Variants in PACRGL observed in about 807,000 individuals in gnomAD.
PACRGL encodes the protein parkin coregulated like, also known as PACRG-like protein.
Under a neutral mutation model 34.5 loss-of-function variants are expected in PACRGL, and 38 were observed. The ratio of observed to expected loss-of-function variants is 1.10; its 90% CI spans 0.85 to 1.44. PACRGL has a LOEUF of 1.44. Ranked by LOEUF, PACRGL falls within the 40% of genes most tolerant of loss-of-function variation. The pLI is 0.00. For missense variants in PACRGL, 305 were observed against 281.4 expected, an observed-to-expected ratio of 1.08 and a Z score of -0.60; for synonymous variants, 128 against 100.1, an observed-to-expected ratio of 1.28 and a Z score of -1.66.
At position 20,729,157 on chromosome 4, in the gene PACRGL, AG is replaced by A. The variant is rs1332844800; in HGVS notation, c.*1818del. 1 of 152,498 alleles carries A rather than the reference AG, an allele frequency of 6.6e-6. No homozygotes were observed. Among genetic ancestry groups the A allele is most frequent in the African/African-American group, 2.4e-5 (1 of 41,378 alleles). The allele number at this position is 152,498 out of a possible 1,614,324, so 9.4% of individuals were successfully genotyped here. A position where few individuals can be genotyped will look rare whatever the true frequency, so the allele number is the denominator to read the frequency against. On this transcript the variant is annotated 3_prime_UTR_variant, in exon 9 of 9. Transcript: ENST00000503585. ...TTGTAATATAAATAAACATGCTGTA[AG>A]GAAGTCAGGGGAAAGAGGACAGATT... is the stretch of plus-strand genomic sequence containing the variant.
the PACRGL span, among the ~76,000 whole-genome samples, chr4:20,760,457 GAGTC>G: frequency 6.6e-6 from 1 of 152,076 alleles, no homozygotes. Context: ...TTATTCCAGT[GAGTC>G]AGTTACTCAA....
intron 8 of PACRGL, among the ~76,000 whole-genome samples, chr4:20,743,492 C>T (rs1048164109): frequency 1.5e-4 from 23 of 152,146 alleles, no homozygotes; most frequent in African/African-American, 5.6e-4. Context: ...TGATCTTTGA[C>T]AAACCTGACA....
the PACRGL span, chr4:20,758,941 A>T: frequency 9.5e-6 from 14 of 1,477,482 alleles, no homozygotes; most frequent in East Asian, 2.3e-5. Context: ...ATAAAACTGA[A>T]TTTTTTTTGC....
chr4:20,719,571 C>T (rs1741972987), intron 7 of PACRGL, among the ~76,000 whole-genome samples: 1 of 152,174 alleles, frequency 6.6e-6, no homozygotes, highest in South Asian at 2.1e-4. Context: ...TTATTTCTGC[C>T]TTCATTTCAT....
chr4:20,735,539 T>G (rs1489250952), downstream of PACRGL, among the ~76,000 whole-genome samples: 9 of 146,964 alleles, frequency 6.1e-5, no homozygotes, highest in South Asian at 4.4e-4. Context: ...TGTTTTTTTT[T>G]TTTTTTTTGA....
At position 20,728,984 on chromosome 4, in the gene PACRGL, C is replaced by CTTA. The variant is rs1746936604; in HGVS notation, c.*1646_*1648dup. 1 of 152,192 alleles carries CTTA rather than the reference C, an allele frequency of 6.6e-6. No individual in the cohort carries two copies. The highest frequency in any genetic ancestry group is 2.4e-5 in the African/African-American group (1 of 41,412). The allele number at this position is 152,192 out of a possible 1,614,324, so 9.4% of individuals were successfully genotyped here. A position where few individuals can be genotyped will look rare whatever the true frequency, so the allele number is the denominator to read the frequency against. On this transcript the variant is annotated 3_prime_UTR_variant, in exon 9 of 9. Coordinates refer to ENST00000503585, the MANE Select transcript of PACRGL (RefSeq NM_001258345.3). Reference sequence around the variant, plus strand: ...TGTAATCTGGATTAGTTGTTGAGCACTTATTTTCTACTAAATCTTGGTAGT... The same window carrying CTTA: ...TGTAATCTGGATTAGTTGTTGAGCACTTATTATTTTCTACTAAATCTTGGTAGT...
rs567430615 is a variant in PACRGL, at chr4:20,704,910, G to A, written c.207+96G>A. 376 of 1,402,912 alleles carry A rather than the reference G, an allele frequency of 2.7e-4. 1 individual carries two copies. The highest frequency in any genetic ancestry group is 3.5e-4 in the Non-Finnish European group (354 of 1,012,944). The allele number at this position is 1,402,912 out of a possible 1,614,324, so 86.9% of individuals were successfully genotyped here. A position where few individuals can be genotyped will look rare whatever the true frequency, so the allele number is the denominator to read the frequency against. On this transcript the variant is annotated intron_variant, in intron 3 of 8. Transcript: ENST00000503585. ...ATGCTGTGTTGAGTTTTGTCCCTTT[G>A]CTAGTTTTGAGCTAATAATGAGAGA...
At chr4:20,709,095 C>A (rs754237306) in intron 4 of PACRGL, among the ~76,000 whole-genome samples, 19 of 152,044 alleles carry the variant, frequency 1.2e-4, no homozygotes, top group Admixed American at 6.6e-4. Flanking sequence ...GCCAAGATCG[C>A]GCCATTACAC....
chr4:20,713,135 T>TA, intron 6 of PACRGL: 1 of 565,854 alleles, frequency 1.8e-6, no homozygotes, highest in African/African-American at 1.9e-5. Flanking sequence ...GTACTAAAGG[T>TA]AAAAAGGGAC....
At chr4:20,745,320 G>A (rs111487710) in intron 8 of PACRGL, among the ~76,000 whole-genome samples, 4,151 of 152,164 alleles carry the variant, frequency 0.027, 184 homozygotes, top group African/African-American at 0.094. Flanking sequence ...TGTATATCCT[G>A]AAACAATTTA....
intron 4 of PACRGL, 74 bp downstream of exon 4, chr4:20,707,944 A>T: frequency 8.7e-7 from 1 of 1,150,882 alleles, no homozygotes; most frequent in South Asian, 1.3e-5. Context: ...TATTTAGTTT[A>T]AATGTATTGT....
At chr4:20,715,798 G>A (rs1287320878) in intron 7 of PACRGL, among the ~76,000 whole-genome samples, 1 of 152,090 alleles carries the variant, frequency 6.6e-6, no homozygotes, top group East Asian at 1.9e-4. Flanking sequence ...CTTGGAGGTG[G>A]AGGTTGTAGT....
upstream of PACRGL, among the ~76,000 whole-genome samples, chr4:20,698,431 C>T (rs945717552): frequency 2.0e-5 from 3 of 152,158 alleles, no homozygotes; most frequent in Non-Finnish European, 4.4e-5. Flanking sequence ...TTACTCCTAT[C>T]GCCCAACTCA....
chr4:20,751,573 G>T (rs1389242888), intron 8 of PACRGL, among the ~76,000 whole-genome samples: 1 of 152,026 alleles, frequency 6.6e-6, no homozygotes, highest in South Asian at 2.1e-4. Flanking sequence ...TTTATAATGA[G>T]CTTCATTAAG....
rs1355548855 is a variant in PACRGL, at chr4:20,729,057, T to C, written c.*1716T>C. ...CTGGTGCTTTCAAAGTGAATTTTGCTTGCTAATTTTGCTTGCTGTTTGTTC... is the reference window on the plus strand; with the variant it reads ...CTGGTGCTTTCAAAGTGAATTTTGCCTGCTAATTTTGCTTGCTGTTTGTTC... On this transcript the variant is annotated 3_prime_UTR_variant, in exon 9 of 9. Transcript: ENST00000503585. 1.4e-5 allele frequency: 1 copy of C among 69,802 alleles called. No individual in the cohort carries two copies. The allele number at this position is 69,802 out of a possible 1,614,324, so 4.3% of individuals were successfully genotyped here. A position where few individuals can be genotyped will look rare whatever the true frequency, so the allele number is the denominator to read the frequency against.
rs1419269372 is a variant in PACRGL at position 20,726,032 on chromosome 4, G to A, written c.690+1144G>A. On this transcript the variant is annotated intron_variant, in intron 8 of 8. Coordinates refer to ENST00000503585, the MANE Select transcript of PACRGL (RefSeq NM_001258345.3). ...TTCTGTGGAGTGGAAGTGAACAAAT[G>A]CTAAATAATGATGCCACAGCTTTTC... 2.6e-5 allele frequency among the ~76,000 whole-genome samples: 4 copies of A among 152,146 alleles called. No individual in the cohort carries two copies. The East Asian group carries it at 5.8e-4, about 22-fold the overall frequency.
chr4:20,748,968 G>A (rs1045021473), intron 8 of PACRGL, among the ~76,000 whole-genome samples: 1 of 150,264 alleles, frequency 6.7e-6, no homozygotes, highest in Admixed American at 6.7e-5. Flanking sequence ...ATTTTACTAG[G>A]TGTTTATACA....
At chr4:20,746,657 T>C (rs1172784045) in intron 8 of PACRGL, among the ~76,000 whole-genome samples, 2 of 152,190 alleles carry the variant, frequency 1.3e-5, no homozygotes, top group African/African-American at 2.4e-5. Context: ...TCTTATTAAG[T>C]AGCTTTGATT....
At chr4:20,723,185 G>A (rs1375576500) in intron 7 of PACRGL, among the ~76,000 whole-genome samples, 2 of 152,192 alleles carry the variant, frequency 1.3e-5, no homozygotes, top group East Asian at 3.9e-4. Context: ...TATGACAGAA[G>A]AAAGAGAATC....
Sources: allele counts gnomAD v4.1 joint callset (sites outside exome capture counted in the v4.1 genomes callset), GRCh38; gene constraint gnomAD v4.1.1; transcripts MANE v1.5; gene names NCBI Gene and HGNC (gene_info 2026-07-23, HGNC 2026-07-21).